The following BNC2 variants were observed in gnomAD, a reference collection of about 807,000 sequenced individuals.
BNC2 encodes zinc finger protein basonuclin-2.
A neutral mutation model predicts 76.3 loss-of-function variants in BNC2; 20 were observed. That is an observed-to-expected ratio of 0.26 (90% CI 0.18 to 0.38). BNC2 has a LOEUF of 0.38. BNC2 is among the 10% of genes least tolerant of loss of function. The pLI, the probability that BNC2 is intolerant of heterozygous loss-of-function variation, is 1.00. For synonymous variants in BNC2, 582 were observed against 514.8 expected, an observed-to-expected ratio of 1.13 and a Z score of -1.77; for missense variants, 1,382 against 1,399.8, an observed-to-expected ratio of 0.99 and a Z score of 0.20.
At chr9:16,498,529 G>T (rs984167850) in intron 5 of BNC2, among the ~76,000 whole-genome samples, 1 of 151,016 alleles carries the variant, frequency 6.6e-6, no homozygotes, top group Admixed American at 6.6e-5. Context: ...AGAGTGGGAG[G>T]GGGGTGAGGG....
Position 16,435,821 on chromosome 9 carries a change from A to G in BNC2, c.2373T>C (p.Tyr791=). The G allele has an allele frequency of 6.2e-7, 1 of 1,614,132 alleles. No individual in the cohort carries two copies. Among genetic ancestry groups the G allele is most frequent in the Non-Finnish European group, 8.5e-7 (1 of 1,180,010 alleles). The change falls in exon 6 of 7, where the codon TAT becomes TAC. Residue 791 remains tyrosine (Y), a synonymous_variant. Transcript: ENST00000380672. ...PTYDMFYMSQ[Y]GLYNGGGASM... is the part of the protein sequence containing the mutation. The stretch of plus-strand genomic sequence containing the variant: ...TGGCACCCCCACCATTGTACAGTCC[A>G]TACTGGCTCATGTAAAACATGTCGT...
intron 3 of BNC2, among the ~76,000 whole-genome samples, chr9:16,694,286 A>G (rs1400653832): frequency 6.6e-6 from 1 of 152,222 alleles, no homozygotes; most frequent in Non-Finnish European, 1.5e-5. Context: ...AGAAAGGGAA[A>G]GAGCAAATAT....
Position 16,582,997 on chromosome 9 carries a change from C to G in BNC2, c.419G>C (p.Gly140Ala). 1 of 1,613,506 alleles carries G rather than the reference C, an allele frequency of 6.2e-7. No homozygotes were observed. Among genetic ancestry groups the G allele is most frequent in the Non-Finnish European group, 8.5e-7 (1 of 1,179,794 alleles). The change falls in exon 4 of 7, where the codon GGC becomes GCC. Residue 140 changes from glycine to alanine, a missense_variant. Gly to Ala is a moderately conservative substitution (Grantham distance 60, BLOSUM62 0). Around this residue, in one of 3 missense-constraint regions of BNC2, gnomAD observed 557 missense variants for 540.9 expected, o/e 1.03. Transcript: ENST00000380672. ...NLRTCDQCKH[G>A]WVAHALDKLS... is the part of the protein sequence containing the mutation. ...ATTTTCCTCACCATGTGCCACCCAG[C>G]CATGTTTACACTGATCACAAGTCCT... is the stretch of plus-strand genomic sequence containing the variant.
At chr9:16,834,977 T>A (rs1818668202) in intron 1 of BNC2, among the ~76,000 whole-genome samples, 1 of 152,174 alleles carries the variant, frequency 6.6e-6, no homozygotes, top group Non-Finnish European at 1.5e-5. Context: ...TGGGATCCAG[T>A]CGGTCATGGA....
At chr9:16,455,741 G>A (rs985156779) in intron 5 of BNC2, among the ~76,000 whole-genome samples, 1 of 150,734 alleles carries the variant, frequency 6.6e-6, no homozygotes, top group Non-Finnish European at 1.5e-5. Flanking sequence ...GTAGTGAGCC[G>A]AGATTGCACC....
chr9:16,642,754 C>G (rs1230514872), intron 3 of BNC2, among the ~76,000 whole-genome samples: 3 of 152,134 alleles, frequency 2.0e-5, no homozygotes, highest in African/African-American at 7.2e-5. Flanking sequence ...AGTCTACAGT[C>G]CCTATGGCTT....
At position 16,443,315 on chromosome 9, in the gene BNC2, G is replaced by C. The variant is rs535855109; in HGVS notation, c.670-5791C>G. On this transcript the variant is annotated intron_variant, in intron 5 of 6. Coordinates refer to ENST00000380672, the MANE Select transcript of BNC2 (RefSeq NM_017637.6). ...AGATATGTTTATTTTTTCATGTCTA[G>C]ATTGGCACAGTGTGCTATCTTAAGA... 7.9e-5 allele frequency among the ~76,000 whole-genome samples: 12 copies of C among 152,226 alleles called. No homozygotes were observed. In the South Asian group the frequency reaches 2.5e-3, roughly 32 times the overall value.
At chr9:16,775,286 T>C (rs548612855) in intron 1 of BNC2, among the ~76,000 whole-genome samples, 9 of 152,244 alleles carry the variant, frequency 5.9e-5, no homozygotes, top group Admixed American at 6.5e-5. Context: ...AAATGAAGAA[T>C]GTCCCCTATA....
chr9:16,514,766 C>T (rs1370278817), intron 5 of BNC2, among the ~76,000 whole-genome samples: 1 of 152,058 alleles, frequency 6.6e-6, no homozygotes, highest in Non-Finnish European at 1.5e-5. Flanking sequence ...ATCCACGTCT[C>T]GATGATGACA....
Position 16,552,685 on chromosome 9 carries a change from T to C in BNC2, c.514A>G (p.Ser172Gly), listed in dbSNP as rs912446447. ...IVQSNVVFDI[S>G]SLMLYGTQAV... The stretch of plus-strand genomic sequence containing the variant: ...TGTGTCCCATAGAGCATCAGGCTGC[T>C]GATGTCAAACACGACGTTGGACTGC... The change falls in exon 5 of 7, where the codon AGC (serine) becomes GGC (glycine). Residue 172 changes from serine (S) to glycine (G), a missense_variant. This residue lies in a region of BNC2 where 557 missense variants were observed against 540.9 expected (regional missense o/e 1.03). Coordinates refer to ENST00000380672, the MANE Select transcript of BNC2 (RefSeq NM_017637.6). The C allele has an allele frequency of 1.2e-6, 2 of 1,614,184 alleles. No homozygotes were observed. The highest frequency in any genetic ancestry group is 1.3e-5 in the African/African-American group (1 of 75,048).
rs73645843 is a variant in BNC2, at chr9:16,674,397, A to G, written c.330+53400T>C. 7.9e-3 allele frequency among the ~76,000 whole-genome samples: 1,196 copies of G among 152,274 alleles called. 24 individuals carry two copies. The highest frequency in any genetic ancestry group is 0.027 in the African/African-American group (1,112 of 41,558). On this transcript the variant is annotated intron_variant, in intron 3 of 6. Coordinates refer to ENST00000380672, the MANE Select transcript of BNC2 (RefSeq NM_017637.6). ...CTTACAATACACCATCAGTGACATC[A>G]TATTAATGTCAGCACTCTTTTAAAA...
chr9:16,618,318 G>A lies in BNC2; in HGVS notation c.331-35233C>T, dbSNP rs114942664. ...AATTTTAGCTCTAGAGCTATTCTAC[G>A]TAGATTTCAGTTCATTCTATAACAG... On this transcript the variant is annotated intron_variant, in intron 3 of 6. Transcript: ENST00000380672. 3.6e-3 allele frequency among the ~76,000 whole-genome samples: 546 copies of A among 152,242 alleles called. 6 individuals are homozygous for A. The highest frequency in any genetic ancestry group is 0.011 in the African/African-American group (471 of 41,530).
In BNC2 at chr9:16,592,852, C is replaced by T. The variant is rs1016177847; in HGVS notation, c.331-9767G>A. On this transcript the variant is annotated intron_variant, in intron 3 of 6. Transcript: ENST00000380672. ...CACAAATGCTAAGTGAGTTAATACA[C>T]GGACGGTGAACAAAGAAATTTTACT... 5.9e-5 allele frequency among the ~76,000 whole-genome samples: 9 copies of T among 152,078 alleles called. 1 individual carries two copies. The highest frequency in any genetic ancestry group is 1.2e-4 in the African/African-American group (5 of 41,408).
chr9:16,857,805 T>C (rs1169338370), intron 1 of BNC2, among the ~76,000 whole-genome samples: 1 of 152,186 alleles, frequency 6.6e-6, no homozygotes, highest in African/African-American at 2.4e-5. Flanking sequence ...ATTACTTAGA[T>C]GAAAATAAAT....
At chr9:16,454,344 C>T (rs1178123425) in intron 5 of BNC2, among the ~76,000 whole-genome samples, 2 of 107,428 alleles carry the variant, frequency 1.9e-5, no homozygotes, top group Admixed American at 9.3e-5. Context: ...ACTCTGTTGC[C>T]CAGGCTGGAG....
intron 3 of BNC2, among the ~76,000 whole-genome samples, chr9:16,694,675 A>T (rs1378946081): frequency 6.6e-6 from 1 of 152,206 alleles, no homozygotes; most frequent in African/African-American, 2.4e-5. Context: ...CAAAGCTTGA[A>T]CATAGGTAAT....
At chr9:16,723,766 G>A (rs1419695376) in intron 3 of BNC2, among the ~76,000 whole-genome samples, 4 of 151,918 alleles carry the variant, frequency 2.6e-5, no homozygotes, top group Non-Finnish European at 5.9e-5. Context: ...AATGTAAATC[G>A]TTGATTTAAT....
intron 3 of BNC2, among the ~76,000 whole-genome samples, chr9:16,673,443 AACACACACACAC>A (rs1174254021): frequency 3.4e-5 from 5 of 145,550 alleles, no homozygotes; most frequent in African/African-American, 1.3e-4. Context: ...AAAAAAAAAA[AACACACACACAC>A]ACACACACAT....
intron 5 of BNC2, among the ~76,000 whole-genome samples, chr9:16,489,470 A>C (rs1365399061): frequency 2.6e-5 from 4 of 152,224 alleles, no homozygotes; most frequent in Non-Finnish European, 5.9e-5. Context: ...AAAAGACAAA[A>C]TACAAAGCAT....
Sources: gnomAD v4.1 joint callset for allele counts (sites outside exome capture counted in the v4.1 genomes callset) on GRCh38, gnomAD v4.1.1 for gene constraint, gnomAD v4.1.1 regional missense constraint, MANE v1.5 for transcripts, NCBI Gene and HGNC (gene_info 2026-07-23, HGNC 2026-07-21) for gene names.